The following DCAF1 variants were observed in gnomAD, a reference collection of about 807,000 sequenced individuals.
DCAF1 encodes DDB1 and CUL4 associated factor 1, also known as DDB1- and CUL4-associated factor 1.
In DCAF1, 15 loss-of-function variants were observed where a neutral mutation model predicts 128.0. The ratio of observed to expected loss-of-function variants is 0.12; its 90% CI spans 0.08 to 0.18. DCAF1 has a LOEUF of 0.18. Among genes scored for constraint, DCAF1 ranks in the 10% least tolerant of loss-of-function variants. DCAF1 has a pLI of 1.00. For synonymous variants in DCAF1, 610 were observed against 603.0 expected (o/e 1.01, Z -0.17); for missense variants, 988 against 1,649.5 (o/e 0.60, Z 6.95).
chr3:51,447,002 A>AAT (rs1701937461), intron 6 of DCAF1, among the ~76,000 whole-genome samples: 1 of 49,060 alleles, frequency 2.0e-5, no homozygotes, highest in Non-Finnish European at 4.3e-5. Context: ...ATAATAATAA[A>AAT]ATGTTTTAAA....
intron 5 of DCAF1, 29 bp downstream of exon 5, chr3:51,466,774 C>T (rs782571430): frequency 2.5e-6 from 4 of 1,600,792 alleles, no homozygotes; most frequent in Non-Finnish European, 2.6e-6. Context: ...AGATGATAAT[C>T]GCTGGAGAAA....
At chr3:51,423,895 A>T (rs1699664809) in intron 13 of DCAF1, among the ~76,000 whole-genome samples, 1 of 152,118 alleles carries the variant, frequency 6.6e-6, no homozygotes. Context: ...CCACATTAAA[A>T]TAGCAAAAGA....
rs535612878 is a variant in DCAF1, at chr3:51,459,699, C to T, written c.375+3415G>A. 7.2e-5 allele frequency among the ~76,000 whole-genome samples: 11 copies of T among 152,290 alleles called. No individual in the cohort carries two copies. The East Asian group carries it at 2.1e-3, about 29-fold the overall frequency. ...CCAAATCCAGCAGCACATCAAAAAG[C>T]TTATCTACCATGATCAAGTGGGCTT... On this transcript the variant is annotated intron_variant, in intron 6 of 24. Transcript: ENST00000684031.
At chr3:51,495,621 G>A (rs1334344022) in intron 2 of DCAF1, among the ~76,000 whole-genome samples, 1 of 152,118 alleles carries the variant, frequency 6.6e-6, no homozygotes, top group Non-Finnish European at 1.5e-5. Context: ...AACTGAGTGT[G>A]GTGGCTCACA....
chr3:51,445,030 G>A (rs934131290), intron 6 of DCAF1, among the ~76,000 whole-genome samples: 17 of 152,030 alleles, frequency 1.1e-4, no homozygotes, highest in African/African-American at 3.1e-4. Context: ...ATAAACATGC[G>A]TGGTCCAAAG....
At chr3:51,486,629 GTTATTT>G (rs781872387) in intron 2 of DCAF1, among the ~76,000 whole-genome samples, 5 of 151,838 alleles carry the variant, frequency 3.3e-5, no homozygotes, top group African/African-American at 9.7e-5. Flanking sequence ...TACATACGTT[GTTATTT>G]TTATTTTTAT....
chr3:51,434,327 G>C (rs1700636372), intron 9 of DCAF1, among the ~76,000 whole-genome samples: 2 of 151,630 alleles, frequency 1.3e-5, no homozygotes, highest in Admixed American at 6.6e-5. Context: ...GCTTGAGCCG[G>C]GGAGTTCAAG....
At chr3:51,427,573 T>C (rs933716536) in intron 12 of DCAF1, 32 bp from the exon 13 acceptor site, 8 of 553,078 alleles carry the variant, frequency 1.4e-5, no homozygotes, top group African/African-American at 5.9e-5. Flanking sequence ...ATTATTATTA[T>C]ATATAACTCT....
chr3:51,395,974 C>T (rs1182307494), downstream of DCAF1: 2 of 413,312 alleles, frequency 4.8e-6, no homozygotes, highest in Non-Finnish European at 8.8e-6. Context: ...CAGGACACGC[C>T]ACCATTCCAG....
chr3:51,468,074 T>C (rs1704326077), intron 4 of DCAF1, among the ~76,000 whole-genome samples: 1 of 152,174 alleles, frequency 6.6e-6, no homozygotes, highest in African/African-American at 2.4e-5. Context: ...CATCTTAACT[T>C]AGCTCTTGTG....
chr3:51,447,454 A>G (rs1354849371), intron 6 of DCAF1, among the ~76,000 whole-genome samples: 4 of 152,014 alleles, frequency 2.6e-5, no homozygotes, highest in African/African-American at 9.7e-5. Context: ...TGAAGAACAC[A>G]TTTTTGGAAA....
chr3:51,416,750 A>G (rs1698915746), intron 18 of DCAF1, 37 bp downstream of exon 18: 1 of 1,582,012 alleles, frequency 6.3e-7, no homozygotes, highest in South Asian at 1.2e-5. Context: ...ACAAATGGGT[A>G]TGATCAGCTT....
chr3:51,483,677 G>A (rs148694087), intron 3 of DCAF1, 42 bp downstream of exon 3: 51 of 1,360,630 alleles, frequency 3.7e-5, no homozygotes, highest in East Asian at 3.7e-4. Context: ...AGTTGTGTCC[G>A]AGGTTTTTTA....
chr3:51,467,398 G>C (rs543757382), intron 4 of DCAF1, among the ~76,000 whole-genome samples: 1 of 152,062 alleles, frequency 6.6e-6, no homozygotes, highest in African/African-American at 2.4e-5. Context: ...AAACTATTGC[G>C]AGGACAAAAA....
chr3:51,471,687 G>A (rs1328026608), intron 3 of DCAF1, among the ~76,000 whole-genome samples: 1 of 151,794 alleles, frequency 6.6e-6, no homozygotes, highest in Admixed American at 6.6e-5. Context: ...GAACAACATG[G>A]AGAAACCCCG....
At chr3:51,475,036 G>A (rs1705263925) in intron 3 of DCAF1, among the ~76,000 whole-genome samples, 1 of 151,874 alleles carries the variant, frequency 6.6e-6, no homozygotes, top group Non-Finnish European at 1.5e-5. Flanking sequence ...ACCTGCCTCG[G>A]CTTCCCAAAG....
At chr3:51,470,890 G>GA (rs782283544) in intron 4 of DCAF1, 39 bp downstream of exon 4, 7,183 of 1,256,858 alleles carry the variant, frequency 5.7e-3, no homozygotes, top group South Asian at 8.3e-3. Context: ...TGTCTTAAAA[G>GA]AAAAAAAAAA....
intron 5 of DCAF1, among the ~76,000 whole-genome samples, chr3:51,464,524 G>C (rs1703933947): frequency 2.0e-5 from 3 of 151,802 alleles, no homozygotes; most frequent in Admixed American, 2.0e-4. Context: ...GTGAAATCTT[G>C]TCTCTACAAA....
rs1199200421 is a variant in DCAF1, at chr3:51,398,534, G to C, written c.*235C>G. On this transcript the variant is annotated 3_prime_UTR_variant, in exon 25 of 25. Coordinates refer to ENST00000684031, the MANE Select transcript of DCAF1 (RefSeq NM_001387579.1). ...CCATCCTAGGAAATGGTGGGGGGTG[G>C]ATGTGGGGGGTGCAGAGTAGGGCCT... 44 of 491,666 alleles carry C rather than the reference G, an allele frequency of 8.9e-5. 1 individual carries two copies. In the South Asian group the frequency reaches 1.4e-3, roughly 15 times the overall value. The allele number at this position is 491,666 out of a possible 1,614,324, so 30.5% of individuals were successfully genotyped here.
Sources: gnomAD v4.1 joint callset for allele counts (sites outside exome capture counted in the v4.1 genomes callset) on GRCh38, gnomAD v4.1.1 for gene constraint, MANE v1.5 for transcripts, NCBI Gene and HGNC (gene_info 2026-07-23, HGNC 2026-07-21) for gene names.